BRINP1: variants seen among roughly 807,000 people sequenced by gnomAD.
BRINP1 encodes BMP/retinoic acid-inducible neural-specific protein 1.
BRINP1 carries 17 observed loss-of-function variants against 72.9 expected under a neutral mutation model. The observed-to-expected ratio is 0.23, with a 90% CI of 0.16 to 0.35. BRINP1 has a LOEUF of 0.35. BRINP1 is among the 10% of genes least tolerant of loss of function. The pLI, the probability that BRINP1 is intolerant of heterozygous loss-of-function variation, is 1.00. For missense variants in BRINP1, 850 were observed against 1,001.6 expected (o/e 0.85, Z 2.04); for synonymous variants, 418 against 378.5 (o/e 1.10, Z -1.21).
At chr9:119,367,123 A>G (rs2119049194) in intron 1 of BRINP1, among the ~76,000 whole-genome samples, 1 of 151,212 alleles carries the variant, frequency 6.6e-6, no homozygotes, top group East Asian at 2.0e-4. Flanking sequence ...GCCTGCAGGT[A>G]GAACCCACCC....
At chr9:119,256,097 G>A (rs1317756477) in intron 2 of BRINP1, among the ~76,000 whole-genome samples, 5 of 151,396 alleles carry the variant, frequency 3.3e-5, no homozygotes, top group Non-Finnish European at 7.4e-5. Context: ...CTTTAACCCT[G>A]TATCCTCAAC....
In BRINP1 at chr9:119,207,624, C is replaced by T. The variant is rs189073117; in HGVS notation, c.1145+1095G>A. On this transcript the variant is annotated intron_variant, in intron 7 of 7. Transcript: ENST00000265922. ...CAAATGTCCCCTGGGGAAAACGTCA[C>T]CCCCAAGTGAGAACCACTGATTTAC... is the stretch of plus-strand genomic sequence containing the variant. 8.4e-4 allele frequency among the ~76,000 whole-genome samples: 128 copies of T among 152,276 alleles called. 1 individual carries two copies. The highest frequency in any genetic ancestry group is 2.9e-4 in the Non-Finnish European group (20 of 68,026).
At chr9:119,245,781 C>T (rs1478160991) in intron 3 of BRINP1, among the ~76,000 whole-genome samples, 1 of 152,120 alleles carries the variant, frequency 6.6e-6, no homozygotes, top group East Asian at 1.9e-4. Context: ...CCTGACATGT[C>T]GAAGAGTTTA....
chr9:119,336,638 T>G lies in BRINP1; in HGVS notation c.-50-23233A>C, dbSNP rs371869627. On this transcript the variant is annotated intron_variant, in intron 1 of 7. Transcript: ENST00000265922. The stretch of plus-strand genomic sequence containing the variant: ...CAGAGATGGAAACAAAGCAGTCGTA[T>G]TGATTTGAAAAGGCAGTTCACTGAA... Among the ~76,000 whole-genome samples the G allele has an allele frequency of 9.2e-5, 14 of 152,124 alleles. No homozygotes were observed. The East Asian group carries it at 2.3e-3, about 25-fold the overall frequency.
chr9:119,277,671 G>A (rs1416631836), intron 2 of BRINP1, among the ~76,000 whole-genome samples: 2 of 152,222 alleles, frequency 1.3e-5, no homozygotes, highest in Non-Finnish European at 2.9e-5. Context: ...TGAATGCTGA[G>A]GGAAAAGGTG....
At chr9:119,296,973 A>G (rs887895533) in intron 2 of BRINP1, among the ~76,000 whole-genome samples, 2 of 152,162 alleles carry the variant, frequency 1.3e-5, no homozygotes, top group Admixed American at 1.3e-4. Flanking sequence ...TAAAAATGCT[A>G]TATTATATTC....
At position 119,232,145 on chromosome 9, in the gene BRINP1, T is replaced by C. The variant is rs766996379; in HGVS notation, c.685+6510A>G. On this transcript the variant is annotated intron_variant, in intron 5 of 7. Transcript: ENST00000265922. ...CCATTGTAGTTGCTCAGGCAAAACT[T>C]TGGGGTCATCCTTGACTTCTCTCTC... is the stretch of plus-strand genomic sequence containing the variant. Among the ~76,000 whole-genome samples, 4 of 152,298 alleles carry C rather than the reference T, an allele frequency of 2.6e-5. No individual in the cohort carries two copies. The East Asian group carries it at 7.7e-4, about 29-fold the overall frequency.
At chr9:119,325,841 C>T (rs1237426871) in intron 1 of BRINP1, among the ~76,000 whole-genome samples, 1 of 152,178 alleles carries the variant, frequency 6.6e-6, no homozygotes, top group East Asian at 1.9e-4. Context: ...CATGCTTCCA[C>T]ACCCCATCCT....
chr9:119,364,155 C>T (rs1283237346), intron 1 of BRINP1, among the ~76,000 whole-genome samples: 1 of 151,924 alleles, frequency 6.6e-6, no homozygotes, highest in Admixed American at 6.6e-5. Context: ...AAGACAATCC[C>T]CTCTATTCAG....
intron 2 of BRINP1, among the ~76,000 whole-genome samples, chr9:119,310,606 C>T (rs1176908734): frequency 6.6e-6 from 1 of 152,090 alleles, no homozygotes; most frequent in African/African-American, 2.4e-5. Context: ...ACCCTGGGTT[C>T]CAGCCAGGAT....
chr9:119,208,021 G>A (rs1829876789), intron 7 of BRINP1, among the ~76,000 whole-genome samples: 1 of 152,144 alleles, frequency 6.6e-6, no homozygotes, highest in Admixed American at 6.5e-5. Context: ...TCAAGTCCTG[G>A]CTCCTTCCTT....
Position 119,368,493 on chromosome 9 carries a change from A to C in BRINP1, c.-51+563T>G, listed in dbSNP as rs1026390560. 6.6e-6 allele frequency among the ~76,000 whole-genome samples: 1 copy of C among 151,908 alleles called. No homozygotes were observed. Among genetic ancestry groups the C allele is most frequent in the Admixed American group, 6.5e-5 (1 of 15,270 alleles). On this transcript the variant is annotated intron_variant, in intron 1 of 7. Transcript: ENST00000265922. The surrounding 1 kb of genome is among the most constrained non-coding windows in gnomAD (Gnocchi z 4.7). ...CATCTACAGCCCCATAATCCTCCCC[A>C]AACCCCAAGCCCAGAGCCCCAAGAG... is the stretch of plus-strand genomic sequence containing the variant.
chr9:119,256,882 A>G (rs1830452479), intron 2 of BRINP1, among the ~76,000 whole-genome samples: 1 of 152,142 alleles, frequency 6.6e-6, no homozygotes, highest in Non-Finnish European at 1.5e-5. Context: ...TGCATGTTTT[A>G]TGACTTGTTC....
intron 1 of BRINP1, among the ~76,000 whole-genome samples, chr9:119,328,531 A>C (rs1287281024): frequency 6.6e-6 from 1 of 152,202 alleles, no homozygotes; most frequent in African/African-American, 2.4e-5. Context: ...AATATGAGAC[A>C]GAAAGATAAT....
intron 2 of BRINP1, among the ~76,000 whole-genome samples, chr9:119,267,867 G>A (rs1013954057): frequency 6.6e-6 from 1 of 152,102 alleles, no homozygotes; most frequent in Non-Finnish European, 1.5e-5. Flanking sequence ...TCTAGAGACT[G>A]AAAAGAGAAG....
At chr9:119,315,233 C>T (rs1290556302) in intron 1 of BRINP1, among the ~76,000 whole-genome samples, 1 of 151,914 alleles carries the variant, frequency 6.6e-6, no homozygotes, top group Non-Finnish European at 1.5e-5. Context: ...TTGTGGCAGC[C>T]CTCAGCCTAG....
chr9:119,177,615 G>T (rs1167005081), intron 7 of BRINP1, among the ~76,000 whole-genome samples: 2 of 152,212 alleles, frequency 1.3e-5, no homozygotes, highest in East Asian at 3.9e-4. Flanking sequence ...CCTTTCTCGT[G>T]TCTCATCATT....
chr9:119,323,517 G>A (rs1831210795), intron 1 of BRINP1, among the ~76,000 whole-genome samples: 1 of 152,134 alleles, frequency 6.6e-6, no homozygotes, highest in Non-Finnish European at 1.5e-5. Context: ...TGTACCAAGG[G>A]TCCAAAGGAT....
At chr9:119,283,252 A>G in intron 2 of BRINP1, 1 of 882,458 alleles carries the variant, frequency 1.1e-6, no homozygotes, top group Non-Finnish European at 1.4e-6. Flanking sequence ...CAGCTGCCTC[A>G]GCATCACCTG....
Sources: allele counts gnomAD v4.1 joint callset (sites outside exome capture counted in the v4.1 genomes callset), GRCh38; gene constraint gnomAD v4.1.1; non-coding constraint Gnocchi (gnomAD v3.1); transcripts MANE v1.5; gene names NCBI Gene and HGNC (gene_info 2026-07-23, HGNC 2026-07-21).